PDIA2: variants seen among roughly 807,000 people sequenced by gnomAD.
PDIA2 encodes the protein protein disulfide-isomerase A2.
PDIA2 carries 76 observed loss-of-function variants against 51.1 expected under a neutral mutation model. The ratio of observed to expected loss-of-function variants is 1.49; its 90% CI spans 1.24 to 1.80. The LOEUF (loss-of-function observed/expected upper bound fraction) is 1.80, where lower values mean the gene tolerates loss of function less well. PDIA2 is among the 40% of genes most tolerant of loss of function. The probability of loss-of-function intolerance (pLI) is 0.00; values close to 1 mark genes in which losing one functional copy is unlikely to be tolerated. For missense variants in PDIA2, 946 were observed against 706.5 expected, an observed-to-expected ratio of 1.34 and a Z score of -3.84; for synonymous variants, 429 against 309.9, an observed-to-expected ratio of 1.38 and a Z score of -4.04.
In PDIA2 at chr16:286,334, C is replaced by T. The variant is rs769572621; in HGVS notation, c.1120-19C>T. 1.2e-6 allele frequency: 2 copies of T among 1,600,334 alleles called. No individual in the cohort carries two copies. The highest frequency in any genetic ancestry group is 1.7e-6 in the Non-Finnish European group (2 of 1,175,344). On this transcript the variant is annotated intron_variant, in intron 7 of 10. Coordinates refer to ENST00000219406, the MANE Select transcript of PDIA2 (RefSeq NM_006849.4). ...CTGCAGAGGACCCCTGGCAAAGCGC[C>T]TGTCCTGGTTTCCCCCAGCCCTATC... is the stretch of plus-strand genomic sequence containing the variant.
At chr16:286,795 G>A in intron 9 of PDIA2, 40 bp from the exon 10 acceptor site, 1 of 1,611,788 alleles carries the variant, frequency 6.2e-7, no homozygotes, top group Non-Finnish European at 8.5e-7. Flanking sequence ...GCATGGGGCT[G>A]GGCCCCACGT....
In PDIA2 at chr16:285,662, A is replaced by G; in HGVS notation, c.1078A>G (p.Ile360Val). Residue 360 changes from isoleucine (I) to valine (V), a missense_variant, in exon 7 of 11, where the codon ATC becomes GTC. Physicochemically the swap from Ile to Val is conservative, Grantham distance 29. Transcript: ENST00000219406. ...TGGGGGCCCTGTCACCGCAGCGTCCATCACTGCTTTCTGCCATGCAGTCCT... is the reference window on the plus strand; with the variant it reads ...TGGGGGCCCTGTCACCGCAGCGTCCGTCACTGCTTTCTGCCATGCAGTCCT... ...VDGGPVTAASITAFCHAVLNG... is the reference protein window; with the variant it reads ...VDGGPVTAASVTAFCHAVLNG... 6.2e-7 allele frequency: 1 copy of G among 1,613,276 alleles called. No individual in the cohort carries two copies. Among genetic ancestry groups the G allele is most frequent in the East Asian group, 2.2e-5 (1 of 44,876 alleles).
At position 285,587 on chromosome 16, in the gene PDIA2, A is replaced by ACT; in HGVS notation, c.1006_1007dup (p.Arg337CysfsTer42). 6.2e-7 allele frequency: 1 copy of ACT among 1,613,092 alleles called. No individual in the cohort carries two copies. The highest frequency in any genetic ancestry group is 8.5e-7 in the Non-Finnish European group (1 of 1,179,920). The stretch of plus-strand genomic sequence containing the variant: ...TGGACTCAAGGCTGAGGCAGCCCCC[A>ACT]CTCTGCGCTTGGTCAACCTTGAAAC... On this transcript the variant is annotated frameshift_variant, in exon 7 of 11. Coordinates refer to ENST00000219406, the MANE Select transcript of PDIA2 (RefSeq NM_006849.4). LOFTEE classifies it high-confidence loss of function.
intron 7 of PDIA2, among the ~76,000 whole-genome samples, chr16:286,079 C>T (rs1320320254): frequency 1.8e-5 from 2 of 110,308 alleles, no homozygotes; most frequent in East Asian, 5.2e-4. Context: ...AGAGGTCCCT[C>T]CCCCCACCAA....
In PDIA2 at chr16:285,873, C is replaced by T. The variant is rs1238301751; in HGVS notation, c.1119+170C>T. Among the ~76,000 whole-genome samples the T allele has an allele frequency of 2.2e-5, 3 of 134,852 alleles. 1 individual carries two copies. The highest frequency in any genetic ancestry group is 2.2e-4 in the Admixed American group (3 of 13,848). The allele number at this position is 134,852 out of a possible 152,430, so 88.5% of individuals were successfully genotyped here. A position where few individuals can be genotyped will look rare whatever the true frequency, so the allele number is the denominator to read the frequency against. ...GGCGGTTCTCCCAACCCCAACCCGG[C>T]GGTTCTCCCAACCCCAAACCCGCGG... On this transcript the variant is annotated intron_variant, in intron 7 of 10. Transcript: ENST00000219406.
At position 285,555 on chromosome 16, in the gene PDIA2, A is replaced by G. The variant is rs756960309; in HGVS notation, c.971A>G (p.Gln324Arg). 4 of 1,613,070 alleles carry G rather than the reference A, an allele frequency of 2.5e-6. No homozygotes were observed. Among genetic ancestry groups the G allele is most frequent in the Non-Finnish European group, 3.4e-6 (4 of 1,179,944 alleles). ...DVAADNEHVL[Q>R]YFGLKAEAAP... ...GCGGCCGACAATGAGCACGTGCTGC[A>G]GTACTTTGGACTCAAGGCTGAGGCA... Residue 324 changes from glutamine (Q) to arginine (R), a missense_variant, in exon 7 of 11, where the codon CAG becomes CGG. Coordinates refer to ENST00000219406, the MANE Select transcript of PDIA2 (RefSeq NM_006849.4).
At chr16:283,569 G>A (rs912378453) in intron 1 of PDIA2, among the ~76,000 whole-genome samples, 1 of 152,228 alleles carries the variant, frequency 6.6e-6, no homozygotes, top group African/African-American at 2.4e-5. Flanking sequence ...TGGTAGTACT[G>A]GGGGTACCCA....
intron 7 of PDIA2, 25 bp from the exon 8 acceptor site, chr16:286,328 A>C (rs1239509270): frequency 6.3e-7 from 1 of 1,576,870 alleles, no homozygotes; most frequent in African/African-American, 1.5e-5. Flanking sequence ...ACCCCTGGCA[A>C]AGCGCCTGTC....
rs1448375138 is a variant in PDIA2, at chr16:286,879, GTTCCTGGACAACGGGGGC to G, written c.1468_1485del (p.Phe490_Gly495del). 4.4e-6 allele frequency: 7 copies of G among 1,606,454 alleles called. No homozygotes were observed. In the East Asian group the frequency reaches 6.7e-5, roughly 15 times the overall value. On this transcript the variant is annotated inframe_deletion, in exon 10 of 11. Coordinates refer to ENST00000219406, the MANE Select transcript of PDIA2 (RefSeq NM_006849.4). ...CCAGGGACCTGGAGACTTTCTCCAA[GTTCCTGGACAACGGGGGC>G]GTGCTGCCCACGGAGGAGCCCCCGG...
chr16:284,744 C>T lies in PDIA2; in HGVS notation c.492C>T (p.Ala164=). Residue 164 remains alanine, a synonymous_variant, in exon 3 of 11, where the codon GCC becomes GCT. Coordinates refer to ENST00000219406, the MANE Select transcript of PDIA2 (RefSeq NM_006849.4). ...SAMRLEDEAA[A]QALIGGRDLV... is the part of the protein sequence containing the mutation. ...TGCGGCTGGAGGACGAGGCGGCCGC[C>T]CAGGCGCTGATCGGTGGCCGGGACC... The T allele has an allele frequency of 6.4e-7, 1 of 1,563,728 alleles. No homozygotes were observed. The highest frequency in any genetic ancestry group is 8.6e-7 in the Non-Finnish European group (1 of 1,160,520).
chr16:285,349 A>C lies in PDIA2; in HGVS notation c.833A>C (p.His278Pro). ...ATCTTCGCGGCCAGGATCCTCAACC[A>C]CCTGCTGCTGTTTGTCAACCAGACG... ...AKIFAARILN[H>P]LLLFVNQTLA... Residue 278 changes from histidine (H) to proline (P), a missense_variant, in exon 6 of 11, where the codon CAC becomes CCC. Coordinates refer to ENST00000219406, the MANE Select transcript of PDIA2 (RefSeq NM_006849.4). 1 of 1,611,380 alleles carries C rather than the reference A, an allele frequency of 6.2e-7. No homozygotes were observed. Among genetic ancestry groups the C allele is most frequent in the African/African-American group, 1.3e-5 (1 of 74,610 alleles).
rs758063486 is a variant in PDIA2, at chr16:286,586, G to A, written c.1273G>A (p.Ala425Thr). 4 of 1,612,788 alleles carry A rather than the reference G, an allele frequency of 2.5e-6. No individual in the cohort carries two copies. The highest frequency in any genetic ancestry group is 2.5e-6 in the Non-Finnish European group (3 of 1,179,966). The change falls in exon 9 of 11, where the codon GCC becomes ACC. Residue 425 changes from alanine (A) to threonine (T), a missense_variant. Ala to Thr is a moderately conservative substitution (Grantham distance 58). Coordinates refer to ENST00000219406, the MANE Select transcript of PDIA2 (RefSeq NM_006849.4). ...APWCTHCKEM[A>T]PAWEALAEKY... ...GTGGTGCACCCACTGCAAGGAGATG[G>A]CCCCTGCCTGGGAGGCATTGGCTGA...
At position 285,718 on chromosome 16, in the gene PDIA2, G is replaced by T; in HGVS notation, c.1119+15G>T. The T allele has an allele frequency of 1.2e-6, 2 of 1,609,690 alleles. No individual in the cohort carries two copies. Among genetic ancestry groups the T allele is most frequent in the Non-Finnish European group, 1.7e-6 (2 of 1,178,442 alleles). On this transcript the variant is annotated intron_variant, in intron 7 of 10. Coordinates refer to ENST00000219406, the MANE Select transcript of PDIA2 (RefSeq NM_006849.4). ...GCCAAGTCAAGGTCCGCTGCAGACTGCTCATAATGGAAGGGGAACCCTGAC... is the reference window on the plus strand; with the variant it reads ...GCCAAGTCAAGGTCCGCTGCAGACTTCTCATAATGGAAGGGGAACCCTGAC...
intron 1 of PDIA2, 146 bp downstream of exon 1, chr16:283,514 T>C (rs1369545099): frequency 4.7e-6 from 4 of 859,856 alleles, no homozygotes; most frequent in Non-Finnish European, 3.4e-6. Context: ...CCAGGAGCTC[T>C]CTAGGAGGGG....
At position 286,422 on chromosome 16, in the gene PDIA2, A is replaced by C; in HGVS notation, c.1189A>C (p.Asn397His). Residue 397 changes from asparagine (N) to histidine (H), a missense_variant, in exon 8 of 11, where the codon AAT (asparagine) becomes CAT (histidine). Asn to His is a moderately conservative substitution (Grantham distance 68). Transcript: ENST00000219406. ...GCCAGTTAAGACCCTCGTGGGCAAG[A>C]ATTTTGAGCAGGTGGCTTTTGACGA... ...QRPVKTLVGKNFEQVAFDETK... is the reference protein window; with the variant it reads ...QRPVKTLVGKHFEQVAFDETK... 1 of 1,612,576 alleles carries C rather than the reference A, an allele frequency of 6.2e-7. No individual in the cohort carries two copies. Among genetic ancestry groups the C allele is most frequent in the Non-Finnish European group, 8.5e-7 (1 of 1,179,792 alleles).
Position 283,189 on chromosome 16 carries a change from C to T in PDIA2, c.20C>T (p.Pro7Leu). 2 of 1,586,560 alleles carry T rather than the reference C, an allele frequency of 1.3e-6. No individual in the cohort carries two copies. The highest frequency in any genetic ancestry group is 2.3e-5 in the East Asian group (1 of 44,274). MSRQLL[P>L]VLLLLLLRAS... ...AGCACCATGAGCCGCCAGCTTCTGC[C>T]TGTACTGCTGCTGCTGCTGCTCAGG... Residue 7 changes from proline (P) to leucine (L), a missense_variant, in exon 1 of 11, where the codon CCT becomes CTT. Coordinates refer to ENST00000219406, the MANE Select transcript of PDIA2 (RefSeq NM_006849.4).
rs1169927035 is a variant in PDIA2, at chr16:284,871, C to A, written c.541-7C>A. The stretch of plus-strand genomic sequence containing the variant: ...ACCGGGTGGCCTCACAGGGCCAGGC[C>A]CCTCAGGACCTGCAGGACGAGGACG... On this transcript the variant is annotated splice_polypyrimidine_tract_variant and splice_region_variant and intron_variant, in intron 3 of 10. Transcript: ENST00000219406. The A allele has an allele frequency of 1.2e-6, 2 of 1,611,846 alleles. No homozygotes were observed. The highest frequency in any genetic ancestry group is 3.3e-5 in the Admixed American group (2 of 59,952).
Position 285,555 on chromosome 16 carries a change from A to T in PDIA2, c.971A>T (p.Gln324Leu). The T allele has an allele frequency of 6.2e-7, 1 of 1,613,070 alleles. No individual in the cohort carries two copies. ...DVAADNEHVL[Q>L]YFGLKAEAAP... ...GCGGCCGACAATGAGCACGTGCTGC[A>T]GTACTTTGGACTCAAGGCTGAGGCA... The change falls in exon 7 of 11, where the codon CAG becomes CTG. Residue 324 changes from glutamine to leucine, a missense_variant. Transcript: ENST00000219406.
chr16:285,891 A>AACACCAAC (rs1567250741), intron 7 of PDIA2, among the ~76,000 whole-genome samples, 188 bp downstream of exon 7: 1 of 65,886 alleles, frequency 1.5e-5, no homozygotes, highest in Non-Finnish European at 2.9e-5. Flanking sequence ...CCAACCCCAA[A>AACACCAAC]CCCGCGGTTC....
Sources: gnomAD v4.1 joint callset for allele counts (sites outside exome capture counted in the v4.1 genomes callset) on GRCh38, gnomAD v4.1.1 for gene constraint, MANE v1.5 for transcripts, NCBI Gene and HGNC (gene_info 2026-07-23, HGNC 2026-07-21) for gene names.